Variants in CHAT observed in about 807,000 individuals in gnomAD.
CHAT encodes choline O-acetyltransferase, also known as acetyl CoA:choline O-acetyltransferase.
A neutral mutation model predicts 76.9 loss-of-function variants in CHAT; 61 were observed. The observed-to-expected ratio is 0.79, with a 90% confidence interval of 0.65 to 0.98. The LOEUF is 0.98. Ranked by LOEUF, CHAT falls within the 50% of genes least tolerant of loss-of-function variation. The pLI, the probability that CHAT is intolerant of heterozygous loss-of-function variation, is 0.00. For missense variants in CHAT, 946 were observed against 986.9 expected, an observed-to-expected ratio of 0.96 and a Z score of 0.56; for synonymous variants, 407 against 397.4, an observed-to-expected ratio of 1.02 and a Z score of -0.29.
intron 7 of CHAT, 135 bp downstream of exon 7, chr10:49,627,920 G>C: frequency 9.5e-7 from 1 of 1,048,248 alleles, no homozygotes. Context: ...AGCATGCCCT[G>C]CGGCCAGCCA....
At chr10:49,622,492 G>A (rs1309948824) in intron 5 of CHAT, among the ~76,000 whole-genome samples, 1 of 152,238 alleles carries the variant, frequency 6.6e-6, no homozygotes, top group Non-Finnish European at 1.5e-5. Flanking sequence ...AAGGTGATGG[G>A]AGTTCTGCTT....
chr10:49,623,278 C>T (rs1413374089), intron 5 of CHAT, among the ~76,000 whole-genome samples: 4 of 147,612 alleles, frequency 2.7e-5, no homozygotes, highest in Admixed American at 1.3e-4. Flanking sequence ...ACTGCCCCCA[C>T]GAGACCACTT....
intron 2 of CHAT, 26 bp downstream of exon 2, chr10:49,616,628 C>A: frequency 1.3e-6 from 2 of 1,493,708 alleles, no homozygotes; most frequent in South Asian, 1.2e-5. Context: ...AGCCCTCTCT[C>A]AACCCTGCTT....
chr10:49,649,387 A>G, intron 9 of CHAT, 121 bp from the exon 10 acceptor site: 1 of 1,411,356 alleles, frequency 7.1e-7, no homozygotes, highest in Non-Finnish European at 1.0e-6. Context: ...GGCAGCTCGT[A>G]CCCCCTGAAA....
At chr10:49,620,654 C>T (rs1838673164) in intron 4 of CHAT, 41 bp downstream of exon 4, 3 of 1,503,662 alleles carry the variant, frequency 2.0e-6, no homozygotes, top group African/African-American at 1.4e-5. Context: ...TGGGGACCCA[C>T]CCAAGGCAGG....
chr10:49,644,436 TC>T (rs879707859), intron 7 of CHAT, among the ~76,000 whole-genome samples: 2 of 152,042 alleles, frequency 1.3e-5, no homozygotes, highest in Non-Finnish European at 2.9e-5. Flanking sequence ...AAGGGGAGTT[TC>T]CCCAGGGCCT....
chr10:49,651,767 C>A (rs1427260307), intron 10 of CHAT, 117 bp from the exon 11 acceptor site: 1 of 1,035,116 alleles, frequency 9.7e-7, no homozygotes, highest in Non-Finnish European at 1.4e-6. Flanking sequence ...GCAGGGACTA[C>A]GTCCGCACCT....
At position 49,614,381 on chromosome 10, in the gene CHAT, G is replaced by A; in HGVS notation, c.192G>A (p.Ala64=). The change falls in exon 1 of 15, where the codon GCG becomes GCA. Residue 64 remains alanine, a synonymous_variant. Coordinates refer to ENST00000337653, the MANE Select transcript of CHAT (RefSeq NM_020549.5). ...GCTGCAGCCCCCACCCCCGCGCTGC[G>A]ACACGCCCCCCACCCCTTCCGGCTC... ...NPGCSPHPRA[A]TRPPPLPAHT... 6.5e-7 allele frequency: 1 copy of A among 1,543,696 alleles called. No homozygotes were observed. Among genetic ancestry groups the A allele is most frequent in the Non-Finnish European group, 8.7e-7 (1 of 1,143,696 alleles).
intron 7 of CHAT, among the ~76,000 whole-genome samples, chr10:49,645,284 C>G (rs1416196671): frequency 6.6e-6 from 1 of 152,190 alleles, no homozygotes; most frequent in Non-Finnish European, 1.5e-5. Context: ...CACTCTCACC[C>G]CTGCCCTGGG....
chr10:49,617,375 A>G (rs1039193958), intron 2 of CHAT, among the ~76,000 whole-genome samples: 8 of 152,006 alleles, frequency 5.3e-5, no homozygotes, highest in African/African-American at 1.9e-4. Context: ...CTGTTTCTCC[A>G]TCGTCTCTGA....
chr10:49,621,955 G>GGGAAGGA, intron 4 of CHAT, 142 bp from the exon 5 acceptor site: 1 of 789,216 alleles, frequency 1.3e-6, no homozygotes, highest in Non-Finnish European at 2.2e-6. Flanking sequence ...GTGGGGATGA[G>GGGAAGGA]GGAGGGAGGA....
rs1271955241 is a variant in CHAT, at chr10:49,667,533, C to T, written c.*2487C>T. ...AGGAAGAGGCTGGAAGCTGGTCTTCCCCCTCCAAGAATACACGGGTGCACT... is the reference window on the plus strand; with the variant it reads ...AGGAAGAGGCTGGAAGCTGGTCTTCTCCCTCCAAGAATACACGGGTGCACT... On this transcript the variant is annotated 3_prime_UTR_variant, in exon 15 of 15. Transcript: ENST00000337653. Among the ~76,000 whole-genome samples the T allele has an allele frequency of 1.3e-5, 2 of 152,144 alleles. No individual in the cohort carries two copies. The highest frequency in any genetic ancestry group is 2.9e-5 in the Non-Finnish European group (2 of 68,020).
At chr10:49,655,712 A>T (rs1307265677) in intron 13 of CHAT, among the ~76,000 whole-genome samples, 1 of 152,238 alleles carries the variant, frequency 6.6e-6, no homozygotes, top group Non-Finnish European at 1.5e-5. Context: ...TGACAATAAT[A>T]GCACCTAATA....
At chr10:49,612,510 T>C, upstream of CHAT, 1 of 659,058 alleles carries the variant, frequency 1.5e-6, no homozygotes, top group Non-Finnish European at 2.6e-6. Context: ...CCATATCCCT[T>C]TCTCTCTTGT....
chr10:49,633,994 G>C (rs1341206705), intron 7 of CHAT, among the ~76,000 whole-genome samples: 1 of 152,182 alleles, frequency 6.6e-6, no homozygotes, highest in East Asian at 1.9e-4. Flanking sequence ...CCAGAGCTAG[G>C]CATGTCTGCT....
chr10:49,655,229 C>T lies in CHAT; in HGVS notation c.1769C>T (p.Ala590Val), dbSNP rs1313042835. 6.2e-7 allele frequency: 1 copy of T among 1,613,932 alleles called. No individual in the cohort carries two copies. The highest frequency in any genetic ancestry group is 2.2e-5 in the East Asian group (1 of 44,900). The part of the protein sequence containing the change: ...FVRAVTDHKA[A>V]VPASEKLLLL... ...AGAGCCGTGACTGACCACAAGGCTG[C>T]TGTGCCAGTAAGTCCCGCCCCACCC... The change falls in exon 12 of 15, where the codon GCT becomes GTT. Residue 590 changes from alanine (A) to valine (V), a missense_variant. Transcript: ENST00000337653.
upstream of CHAT, chr10:49,612,163 C>T: frequency 1.2e-6 from 2 of 1,610,970 alleles, no homozygotes; most frequent in Non-Finnish European, 8.5e-7. Context: ...CGTGGGCCTC[C>T]TGACGCGCTC....
chr10:49,616,493 G>T lies in CHAT; in HGVS notation c.287-9G>T. The T allele has an allele frequency of 6.2e-7, 1 of 1,604,902 alleles. No individual in the cohort carries two copies. On this transcript the variant is annotated splice_polypyrimidine_tract_variant and intron_variant, in intron 1 of 14. Coordinates refer to ENST00000337653, the MANE Select transcript of CHAT (RefSeq NM_020549.5). ...GCTGTGTTGATGCTTCCCACTTCTT[G>T]GTCCCCAGGTCCACACCTCTGCATC... is the stretch of plus-strand genomic sequence containing the variant.
upstream of CHAT, chr10:49,611,683 T>C (rs767893158): frequency 4.3e-6 from 7 of 1,610,754 alleles, no homozygotes; most frequent in Admixed American, 6.7e-5. Context: ...CATTGCCACG[T>C]GGATGAAGCA....
Sources: allele counts gnomAD v4.1 joint callset (sites outside exome capture counted in the v4.1 genomes callset), GRCh38; gene constraint gnomAD v4.1.1; transcripts MANE v1.5; gene names NCBI Gene and HGNC (gene_info 2026-07-23, HGNC 2026-07-21).